The following CCDC171 variants were observed in gnomAD, a reference collection of about 807,000 sequenced individuals.
CCDC171 encodes coiled-coil domain containing 171, also known as coiled-coil domain-containing protein 171.
In CCDC171, 177 loss-of-function variants were observed where a neutral mutation model predicts 168.2. That is an observed-to-expected ratio of 1.05 (90% CI 0.93 to 1.19). CCDC171 has a LOEUF of 1.19. Ranked by LOEUF, CCDC171 falls within the 50% of genes most tolerant of loss-of-function variation. The pLI is 0.00. For missense variants in CCDC171, 1,991 were observed against 1,539.0 expected (o/e 1.29, Z -4.91); for synonymous variants, 687 against 540.8 (o/e 1.27, Z -3.75).
intron 24 of CCDC171, among the ~76,000 whole-genome samples, chr9:15,904,128 C>G (rs568664490): frequency 3.9e-5 from 6 of 152,214 alleles, no homozygotes; most frequent in African/African-American, 1.4e-4. Flanking sequence ...GAGAACCTCC[C>G]CAATCTAGCA....
At chr9:15,574,943 C>T (rs1214637626) in intron 3 of CCDC171, among the ~76,000 whole-genome samples, 1 of 152,062 alleles carries the variant, frequency 6.6e-6, no homozygotes, top group Non-Finnish European at 1.5e-5. Flanking sequence ...CTCATACGTT[C>T]CAGATGAGAC....
intron 6 of CCDC171, among the ~76,000 whole-genome samples, chr9:15,620,183 C>T (rs1245905294): frequency 2.0e-5 from 3 of 152,162 alleles, no homozygotes; most frequent in African/African-American, 7.2e-5. Context: ...TTTTGACTTT[C>T]AAGTCTTATT....
At chr9:15,952,831 A>G (rs977003063) in intron 25 of CCDC171, among the ~76,000 whole-genome samples, 5 of 152,046 alleles carry the variant, frequency 3.3e-5, no homozygotes, top group Non-Finnish European at 5.9e-5. Flanking sequence ...ATATGTTTCC[A>G]TTTCTTCATG....
intron 10 of CCDC171, among the ~76,000 whole-genome samples, chr9:15,685,974 C>T (rs909041940): frequency 7.2e-5 from 11 of 151,814 alleles, no homozygotes; most frequent in Non-Finnish European, 1.5e-4. Context: ...CTTTTTTGCT[C>T]TTTGAAAAAT....
At chr9:15,677,576 C>G (rs1564192653) in intron 9 of CCDC171, among the ~76,000 whole-genome samples, 1 of 151,644 alleles carries the variant, frequency 6.6e-6, no homozygotes, top group Non-Finnish European at 1.5e-5. Context: ...AAAACAGTGA[C>G]AACATTTAAA....
At chr9:15,932,151 T>A (rs1316660117) in intron 25 of CCDC171, among the ~76,000 whole-genome samples, 2 of 151,946 alleles carry the variant, frequency 1.3e-5, no homozygotes. Context: ...GTGAAGAATG[T>A]CATTGGTCTT....
At chr9:15,930,975 G>A (rs1469074394) in intron 25 of CCDC171, among the ~76,000 whole-genome samples, 3 of 151,478 alleles carry the variant, frequency 2.0e-5, no homozygotes, top group Non-Finnish European at 4.4e-5. Context: ...AACATTCAAA[G>A]CCTCTCTTCT....
At position 15,849,041 on chromosome 9, in the gene CCDC171, G is replaced by C. The variant is rs76219512; in HGVS notation, c.3468+94G>C. 5,022 of 629,636 alleles carry C rather than the reference G, an allele frequency of 8.0e-3. 221 individuals are homozygous for C. In the African/African-American group the frequency reaches 0.087, roughly 11 times the overall value. The allele number at this position is 629,636 out of a possible 1,614,324, so 39.0% of individuals were successfully genotyped here. Reference sequence around the variant, plus strand: ...CAAAGTACTTTCATTGATTTTGAAAGTTAAAAAAATAAATTAACAAAAAGA... The same window carrying C: ...CAAAGTACTTTCATTGATTTTGAAACTTAAAAAAATAAATTAACAAAAAGA... On this transcript the variant is annotated intron_variant, in intron 23 of 25. Coordinates refer to ENST00000380701, the MANE Select transcript of CCDC171 (RefSeq NM_173550.4).
At chr9:15,874,795 C>G in intron 24 of CCDC171, 132 bp downstream of exon 24, 1 of 895,888 alleles carries the variant, frequency 1.1e-6, no homozygotes, top group Non-Finnish European at 1.6e-6. Flanking sequence ...CTTCATTTTT[C>G]TTCTATCATG....
chr9:15,590,084 C>G (rs79177604), intron 4 of CCDC171, among the ~76,000 whole-genome samples: 169 of 152,078 alleles, frequency 1.1e-3, no homozygotes, highest in South Asian at 2.1e-3. Flanking sequence ...AAAGCTTTCA[C>G]GAGAAAAGAA....
chr9:15,724,650 T>C (rs1454921255), intron 13 of CCDC171, 126 bp from the exon 14 acceptor site: 2 of 633,184 alleles, frequency 3.2e-6, no homozygotes, highest in Non-Finnish European at 5.7e-6. Context: ...AAACAAATGC[T>C]TGCCTGCCTT....
At chr9:15,807,667 C>G (rs1054443399) in intron 21 of CCDC171, among the ~76,000 whole-genome samples, 1 of 151,892 alleles carries the variant, frequency 6.6e-6, no homozygotes, top group Non-Finnish European at 1.5e-5. Context: ...ATTTTTTTTA[C>G]TCTGCACATT....
At chr9:15,583,636 G>A (rs1192714305) in intron 4 of CCDC171, among the ~76,000 whole-genome samples, 2 of 151,954 alleles carry the variant, frequency 1.3e-5, no homozygotes, top group East Asian at 1.9e-4. Context: ...TGGAAAGGAC[G>A]GGATGGGGGT....
At chr9:15,678,518 A>G (rs906097808) in intron 9 of CCDC171, among the ~76,000 whole-genome samples, 19 of 152,176 alleles carry the variant, frequency 1.2e-4, no homozygotes, top group African/African-American at 4.3e-4. Flanking sequence ...AACCAAATCT[A>G]TTTTGCTTAT....
intron 10 of CCDC171, among the ~76,000 whole-genome samples, chr9:15,682,607 A>G (rs1350730560): frequency 2.0e-5 from 3 of 151,868 alleles, no homozygotes; most frequent in African/African-American, 7.2e-5. Context: ...TTATACTTTT[A>G]TATTAATGAA....
intron 3 of CCDC171, among the ~76,000 whole-genome samples, chr9:15,993,532 G>T (rs1832271736): frequency 1.3e-5 from 2 of 152,138 alleles, no homozygotes; most frequent in African/African-American, 4.8e-5. Context: ...ACATAGGCAT[G>T]GGCAAGGACT....
At chr9:16,022,529 G>T (rs2987077) in exon 5 of CCDC171, 30,730 of 152,300 alleles carry the variant, frequency 0.2, 3,390 homozygotes, top group African/African-American at 0.29. Flanking sequence ...GCTCTGGATC[G>T]CCCAGAGAGG....
chr9:16,078,454 C>T, the CCDC171 span, among the ~76,000 whole-genome samples: 9 of 152,280 alleles, frequency 5.9e-5, no homozygotes, highest in African/African-American at 2.2e-4. Context: ...AAAGAAAAAA[C>T]GTTCTGAGCA....
intron 11 of CCDC171, among the ~76,000 whole-genome samples, chr9:15,709,452 AAC>A (rs1440076562): frequency 1.3e-5 from 2 of 152,150 alleles, no homozygotes; most frequent in African/African-American, 2.4e-5. Flanking sequence ...AGGAAAGAAA[AAC>A]AGAGGGAAAA....
Sources: gnomAD v4.1 joint callset for allele counts (sites outside exome capture counted in the v4.1 genomes callset) on GRCh38, gnomAD v4.1.1 for gene constraint, MANE v1.5 for transcripts, NCBI Gene and HGNC (gene_info 2026-07-23, HGNC 2026-07-21) for gene names.